The following SUMF1 variants were observed in gnomAD, a reference collection of about 807,000 sequenced individuals.
SUMF1 encodes sulfatase modifying factor 1, also known as formylglycine-generating enzyme.
Under a neutral mutation model 47.6 loss-of-function variants are expected in SUMF1, and 48 were observed. The observed-to-expected ratio is 1.01, with a 90% CI of 0.80 to 1.28. The LOEUF is 1.28. Among genes scored for constraint, SUMF1 ranks in the 50% most tolerant of loss-of-function variants. SUMF1 has a pLI of 0.00. For synonymous variants in SUMF1, 230 were observed against 192.1 expected, an observed-to-expected ratio of 1.20 and a Z score of -1.63; for missense variants, 571 against 485.4, an observed-to-expected ratio of 1.18 and a Z score of -1.66.
chr3:4,416,999 C>G, intron 6 of SUMF1, 129 bp downstream of exon 6: 1 of 832,660 alleles, frequency 1.2e-6, no homozygotes, highest in South Asian at 1.3e-5. Flanking sequence ...TTGCTACGTG[C>G]AACAGTGAAT....
At chr3:4,058,687 C>T (rs1004916529) in intron 9 of SUMF1, among the ~76,000 whole-genome samples, 1 of 152,066 alleles carries the variant, frequency 6.6e-6, no homozygotes, top group African/African-American at 2.4e-5. Flanking sequence ...AAATACAAAA[C>T]TGAAGAAAAA....
chr3:4,152,132 C>T (rs1409129209), intron 8 of SUMF1, among the ~76,000 whole-genome samples: 1 of 151,496 alleles, frequency 6.6e-6, no homozygotes, highest in African/African-American at 2.4e-5. Flanking sequence ...AAGCACTACA[C>T]TGGGGAAGGG....
chr3:4,100,584 A>C (rs1476573964), intron 8 of SUMF1, among the ~76,000 whole-genome samples: 1 of 152,072 alleles, frequency 6.6e-6, no homozygotes, highest in African/African-American at 2.4e-5. Flanking sequence ...AGAAGAAAAC[A>C]TAGGGGGAAA....
At chr3:4,176,659 T>C (rs886403970) in intron 8 of SUMF1, among the ~76,000 whole-genome samples, 8 of 152,194 alleles carry the variant, frequency 5.3e-5, no homozygotes, top group Non-Finnish European at 7.3e-5. Flanking sequence ...GTCAACTTCA[T>C]AATGAGATGA....
intron 8 of SUMF1, among the ~76,000 whole-genome samples, chr3:4,198,301 A>G (rs1208375331): frequency 6.6e-6 from 1 of 152,096 alleles, no homozygotes; most frequent in Non-Finnish European, 1.5e-5. Flanking sequence ...CTCTCCTGCC[A>G]TGTCTAAGTG....
chr3:4,279,419 T>G (rs1315352517), intron 8 of SUMF1, among the ~76,000 whole-genome samples: 1 of 152,118 alleles, frequency 6.6e-6, no homozygotes, highest in African/African-American at 2.4e-5. Flanking sequence ...TTAAATACAT[T>G]ATGACACACA....
intron 8 of SUMF1, among the ~76,000 whole-genome samples, chr3:4,216,321 G>A (rs1343206221): frequency 2.0e-5 from 3 of 152,150 alleles, no homozygotes; most frequent in African/African-American, 7.2e-5. Flanking sequence ...ATGGTGTTGG[G>A]AAAATTGGCT....
At chr3:4,275,474 A>T in intron 8 of SUMF1, among the ~76,000 whole-genome samples, 1 of 152,262 alleles carries the variant, frequency 6.6e-6, no homozygotes, top group Admixed American at 6.5e-5. Flanking sequence ...TGCATTCTTC[A>T]TAAGACCAAG....
chr3:4,362,313 C>T, intron 8 of SUMF1, 59 bp from the exon 9 acceptor site: 2 of 1,406,210 alleles, frequency 1.4e-6, no homozygotes, highest in Non-Finnish European at 2.0e-6. Context: ...AAGGCTCTAA[C>T]CCATCAGATG....
chr3:4,425,439 A>G (rs1376090077), intron 3 of SUMF1, among the ~76,000 whole-genome samples: 1 of 152,218 alleles, frequency 6.6e-6, no homozygotes, highest in African/African-American at 2.4e-5. Flanking sequence ...ATATTCTCTT[A>G]GAGCTTTCAG....
intron 8 of SUMF1, among the ~76,000 whole-genome samples, chr3:4,193,075 G>T (rs150863348): frequency 3.9e-5 from 6 of 152,088 alleles, no homozygotes; most frequent in East Asian, 1.9e-4. Context: ...CCATATAATT[G>T]TCTATTGCAG....
At chr3:4,258,635 A>G (rs926064590) in intron 8 of SUMF1, among the ~76,000 whole-genome samples, 5 of 152,104 alleles carry the variant, frequency 3.3e-5, no homozygotes, top group African/African-American at 1.2e-4. Flanking sequence ...GAGGATGTGG[A>G]GAAATAGGAA....
At chr3:4,388,957 A>T (rs535254289) in intron 7 of SUMF1, among the ~76,000 whole-genome samples, 1 of 152,288 alleles carries the variant, frequency 6.6e-6, no homozygotes, top group South Asian at 2.1e-4. Flanking sequence ...CATATCAGAC[A>T]ATGTTATAAT....
intron 7 of SUMF1, among the ~76,000 whole-genome samples, chr3:4,399,038 C>T (rs565657144): frequency 1.2e-4 from 19 of 152,202 alleles, no homozygotes; most frequent in African/African-American, 4.1e-4. Context: ...AAAATGAGTC[C>T]AAGACCACAT....
chr3:4,401,446 A>T (rs17040624), intron 7 of SUMF1, among the ~76,000 whole-genome samples: 14,077 of 151,942 alleles, frequency 0.093, 1,934 homozygotes, highest in African/African-American at 0.31. Context: ...TTTTAAAAAC[A>T]CCCTCTTAAC....
At chr3:4,152,840 A>T (rs1226902094) in intron 8 of SUMF1, among the ~76,000 whole-genome samples, 1 of 151,526 alleles carries the variant, frequency 6.6e-6, no homozygotes, top group East Asian at 1.9e-4. Context: ...CTATTGAGTA[A>T]TATCATTGTT....
intron 7 of SUMF1, among the ~76,000 whole-genome samples, chr3:4,396,418 G>C (rs879892634): frequency 2.0e-5 from 3 of 152,232 alleles, no homozygotes; most frequent in Non-Finnish European, 4.4e-5. Flanking sequence ...ATAACCTGCA[G>C]AGACTCCACA....
chr3:4,048,668 A>G (rs944170444), intron 9 of SUMF1, among the ~76,000 whole-genome samples: 4 of 152,092 alleles, frequency 2.6e-5, no homozygotes, highest in Admixed American at 2.0e-4. Flanking sequence ...ACAAATGACC[A>G]TATCTCTTTT....
chr3:4,427,535 T>C (rs1369627138), intron 3 of SUMF1, among the ~76,000 whole-genome samples: 1 of 152,216 alleles, frequency 6.6e-6, no homozygotes, highest in Non-Finnish European at 1.5e-5. Context: ...TGAAAGTAGG[T>C]AGTCAAGTCT....
Sources: gnomAD v4.1 joint callset for allele counts (sites outside exome capture counted in the v4.1 genomes callset) on GRCh38, gnomAD v4.1.1 for gene constraint, MANE v1.5 for transcripts, NCBI Gene and HGNC (gene_info 2026-07-23, HGNC 2026-07-21) for gene names.